The following THTPA variants were observed in gnomAD, a reference collection of about 807,000 sequenced individuals.
The protein encoded by THTPA is thiamine triphosphatase, also known as thiamine-triphosphatase.
THTPA carries 16 observed loss-of-function variants against 16.5 expected under a neutral mutation model. The observed-to-expected ratio is 0.97, with a 90% CI of 0.66 to 1.47. The LOEUF is 1.47. Among genes scored for constraint, THTPA ranks in the 40% most tolerant of loss-of-function variants. The probability of loss-of-function intolerance (pLI) is 0.00; values close to 1 mark genes in which losing one functional copy is unlikely to be tolerated. For synonymous variants in THTPA, 110 were observed against 115.5 expected, an observed-to-expected ratio of 0.95 and a Z score of 0.30; for missense variants, 281 against 280.9, an observed-to-expected ratio of 1.00 and a Z score of 0.00.
chr14:23,552,016 G>T (rs1882003151), upstream of THTPA, among the ~76,000 whole-genome samples: 5 of 152,164 alleles, frequency 3.3e-5, no homozygotes, highest in South Asian at 4.1e-4. Flanking sequence ...AACCATACAT[G>T]TGTTTTGTTG....
At chr14:23,520,757 T>C in the THTPA span, 6 of 140,110 alleles carry the variant, frequency 4.3e-5, no homozygotes, top group South Asian at 1.3e-3. This position sits in a 1 kb window ranked among gnomAD's most constrained non-coding sequence, Gnocchi z 8.7. Flanking sequence ...AGCTGTTTGG[T>C]CTTCCAAAGA....
chr14:23,525,180 G>A, the THTPA span: 1 of 1,536,160 alleles, frequency 6.5e-7, no homozygotes, highest in Non-Finnish European at 8.7e-7. This position sits in a 1 kb window ranked among gnomAD's most constrained non-coding sequence, Gnocchi z 5.9. Flanking sequence ...ACCAGGGGAG[G>A]AAGATTCCCT....
At chr14:23,526,681 T>TAGGGGAGA in the THTPA span, 1 of 1,535,878 alleles carries the variant, frequency 6.5e-7, no homozygotes, top group Non-Finnish European at 8.7e-7. Flanking sequence ...TAGGGCCTTC[T>TAGGGGAGA]AGGGGAGAGA....
At chr14:23,557,533 GC>G (rs1441317204) in intron 1 of THTPA, among the ~76,000 whole-genome samples, 1 of 152,176 alleles carries the variant, frequency 6.6e-6, no homozygotes, top group Admixed American at 6.5e-5. Flanking sequence ...TCTGTGCCTG[GC>G]CTGGATTATT....
the THTPA span, chr14:23,527,587 A>G: frequency 2.0e-5 from 31 of 1,535,824 alleles, no homozygotes; most frequent in Non-Finnish European, 2.6e-5. Flanking sequence ...TACCGTCCTC[A>G]CCCAGCCTGT....
At chr14:23,526,343 A>T in the THTPA span, 1 of 1,536,290 alleles carries the variant, frequency 6.5e-7, no homozygotes, top group South Asian at 1.2e-5. Flanking sequence ...CTTCTGGGTG[A>T]AGGACTCCTT....
chr14:23,523,104 G>A, the THTPA span: 1 of 1,407,096 alleles, frequency 7.1e-7, no homozygotes, highest in Non-Finnish European at 9.2e-7. This position sits in a 1 kb window ranked among gnomAD's most constrained non-coding sequence, Gnocchi z 4.1. Context: ...GAAGGCCACA[G>A]GAGATTGGGC....
At chr14:23,522,923 C>A in the THTPA span, 2 of 1,448,014 alleles carry the variant, frequency 1.4e-6, no homozygotes, top group Admixed American at 2.7e-5. Flanking sequence ...GCCGAGGAGG[C>A]CTGAGGAGGC....
At chr14:23,524,317 C>CCAACG in the THTPA span, 2 of 1,536,350 alleles carry the variant, frequency 1.3e-6, no homozygotes, top group Non-Finnish European at 1.7e-6. This position sits in a 1 kb window ranked among gnomAD's most constrained non-coding sequence, Gnocchi z 5.6. Flanking sequence ...CCTGCATGTA[C>CCAACG]CAACGGTACA....
At chr14:23,516,158 G>C in the THTPA span, among the ~76,000 whole-genome samples, 1 of 152,148 alleles carries the variant, frequency 6.6e-6, no homozygotes, top group Non-Finnish European at 1.5e-5. Context: ...AGGAGTTTCT[G>C]GTTCAGTTGG....
chr14:23,530,119 C>A, the THTPA span: 5 of 1,536,036 alleles, frequency 3.3e-6, no homozygotes, highest in Non-Finnish European at 3.5e-6. Context: ...GGAAAACTCA[C>A]CCAATTGTTC....
At chr14:23,554,557 T>G (rs1184552768), upstream of THTPA, among the ~76,000 whole-genome samples, 3 of 151,780 alleles carry the variant, frequency 2.0e-5, no homozygotes, top group African/African-American at 7.3e-5. Context: ...AAATTTTTTT[T>G]TTTTTTTTTT....
the THTPA span, chr14:23,522,713 G>A: frequency 6.5e-7 from 1 of 1,536,536 alleles, no homozygotes; most frequent in East Asian, 2.4e-5. Context: ...GGCATCATTG[G>A]AGGAGCTGGT....
the THTPA span, chr14:23,522,776 G>A: frequency 2.6e-6 from 4 of 1,536,450 alleles, no homozygotes; most frequent in South Asian, 4.8e-5. Flanking sequence ...CAAGGGCTCA[G>A]TAGGAGGGCC....
chr14:23,524,600 T>C, the THTPA span: 2 of 1,536,258 alleles, frequency 1.3e-6, no homozygotes, highest in South Asian at 2.4e-5. This position sits in a 1 kb window ranked among gnomAD's most constrained non-coding sequence, Gnocchi z 5.6. Flanking sequence ...CAGGAGGTCC[T>C]GGCTGGAGAA....
At chr14:23,529,709 C>T in the THTPA span, 1 of 1,536,160 alleles carries the variant, frequency 6.5e-7, no homozygotes, top group Non-Finnish European at 8.7e-7. Context: ...CCAATTCTGA[C>T]CGTGGTCTGG....
the THTPA span, among the ~76,000 whole-genome samples, chr14:23,536,008 A>G: frequency 2.0e-5 from 3 of 152,186 alleles, no homozygotes; most frequent in African/African-American, 7.2e-5. Context: ...TCTTGCCCTC[A>G]CCTACTGGAC....
At chr14:23,534,501 T>C in the THTPA span, 1 of 1,536,228 alleles carries the variant, frequency 6.5e-7, no homozygotes, top group Non-Finnish European at 8.7e-7. The surrounding 1 kb of genome is among the most constrained non-coding windows in gnomAD (Gnocchi z 4.5). Flanking sequence ...GGAGTACAGC[T>C]GGGCTACCTG....
the THTPA span, among the ~76,000 whole-genome samples, chr14:23,541,318 C>T: frequency 1.6e-4 from 23 of 140,590 alleles, no homozygotes. Flanking sequence ...GACGGAGTTT[C>T]GCTCTTGTTG....
Sources: gnomAD v4.1 joint callset for allele counts (sites outside exome capture counted in the v4.1 genomes callset) on GRCh38, gnomAD v4.1.1 for gene constraint, Gnocchi (gnomAD v3.1) non-coding constraint, MANE v1.5 for transcripts, NCBI Gene and HGNC (gene_info 2026-07-23, HGNC 2026-07-21) for gene names.